DTNA: variants seen among roughly 807,000 people sequenced by gnomAD.
The protein encoded by DTNA is dystrophin-related protein 3.
DTNA carries 43 observed loss-of-function variants against 100.7 expected under a neutral mutation model. The observed-to-expected ratio is 0.43, with a 90% confidence interval of 0.33 to 0.55. DTNA has a LOEUF of 0.55. Ranked by LOEUF, DTNA falls within the 20% of genes least tolerant of loss-of-function variation. The pLI is 0.04. For synonymous variants in DTNA, 349 were observed against 347.9 expected (o/e 1.00, Z -0.04); for missense variants, 798 against 953.9 (o/e 0.84, Z 2.15).
intron 1 of DTNA, among the ~76,000 whole-genome samples, chr18:34,626,747 T>C (rs1396620752): frequency 1.3e-5 from 2 of 152,212 alleles, no homozygotes; most frequent in African/African-American, 4.8e-5. Context: ...TAGGGTCTGC[T>C]CCAGTTGGCA....
chr18:34,707,175 G>A (rs76185590), upstream of DTNA, among the ~76,000 whole-genome samples: 440 of 152,178 alleles, frequency 2.9e-3, 2 homozygotes, highest in African/African-American at 1.0e-2. Flanking sequence ...AGGAAATTAG[G>A]TGCTCTCACA....
intron 1 of DTNA, among the ~76,000 whole-genome samples, chr18:34,512,943 C>G: frequency 6.6e-6 from 1 of 152,046 alleles, no homozygotes; most frequent in East Asian, 1.9e-4. Flanking sequence ...ATACTGGTTT[C>G]ACATAAGATG....
intron 1 of DTNA, among the ~76,000 whole-genome samples, chr18:34,646,473 T>A (rs1027439892): frequency 1.3e-5 from 2 of 152,206 alleles, no homozygotes; most frequent in African/African-American, 4.8e-5. Context: ...AGCTATTAAG[T>A]AAATGATGTG....
Position 34,580,691 on chromosome 18 carries a change from T to C in DTNA, c.-2+87177T>C, listed in dbSNP as rs1209206746. 4.6e-5 allele frequency among the ~76,000 whole-genome samples: 7 copies of C among 152,172 alleles called. No individual in the cohort carries two copies. In the East Asian group the frequency reaches 7.7e-4, roughly 17 times the overall value. ...TGGACCACGGAGGATCTCTTTCTTCTTTACACTCCAGCACCAAGCTTTCCA... is the reference window on the plus strand; with the variant it reads ...TGGACCACGGAGGATCTCTTTCTTCCTTACACTCCAGCACCAAGCTTTCCA... On this transcript the variant is annotated intron_variant, in intron 1 of 19. Transcript: ENST00000283365.
At chr18:34,796,822 G>A (rs561708222) in intron 4 of DTNA, among the ~76,000 whole-genome samples, 3 of 152,246 alleles carry the variant, frequency 2.0e-5, no homozygotes, top group South Asian at 2.1e-4. Flanking sequence ...GTTGAACTTC[G>A]TGAAGAAAGT....
chr18:34,579,831 T>G (rs895571044), intron 1 of DTNA, among the ~76,000 whole-genome samples: 2 of 152,168 alleles, frequency 1.3e-5, no homozygotes, highest in African/African-American at 2.4e-5. Flanking sequence ...TACTTAACTT[T>G]CTTCATACAT....
intron 1 of DTNA, among the ~76,000 whole-genome samples, chr18:34,529,655 T>G (rs1217103509): frequency 6.6e-6 from 1 of 152,148 alleles, no homozygotes; most frequent in Admixed American, 6.6e-5. Context: ...TATTGTGGAT[T>G]GTAATGAACA....
chr18:34,527,643 C>A (rs564116351), intron 1 of DTNA, among the ~76,000 whole-genome samples: 1 of 151,942 alleles, frequency 6.6e-6, no homozygotes, highest in African/African-American at 2.4e-5. Context: ...ATTTGATCTA[C>A]GATTTTTTAG....
intron 1 of DTNA, among the ~76,000 whole-genome samples, chr18:34,669,362 G>C (rs1324401647): frequency 6.6e-6 from 1 of 152,020 alleles, no homozygotes; most frequent in South Asian, 2.1e-4. Flanking sequence ...TACACTGGTG[G>C]GTCTTGACTC....
At chr18:34,600,850 A>G (rs1023593160) in intron 1 of DTNA, among the ~76,000 whole-genome samples, 1 of 152,252 alleles carries the variant, frequency 6.6e-6, no homozygotes, top group Non-Finnish European at 1.5e-5. Flanking sequence ...CTTCTCACTT[A>G]TACAATTTAG....
At position 34,535,794 on chromosome 18, in the gene DTNA, GA is replaced by G. The variant is rs199833615; in HGVS notation, c.-2+42281del. 9.4e-3 allele frequency among the ~76,000 whole-genome samples: 1,424 copies of G among 152,204 alleles called. 25 individuals are homozygous for G. Among genetic ancestry groups the G allele is most frequent in the African/African-American group, 0.033 (1,366 of 41,546 alleles). The stretch of plus-strand genomic sequence containing the variant: ...TTTTTGTCATGTTTGTCACAGATCA[GA>G]TGGTTGTGGAGACATCAGGCATTTT... On this transcript the variant is annotated intron_variant, in intron 1 of 19. Transcript: ENST00000283365.
intron 1 of DTNA, among the ~76,000 whole-genome samples, chr18:34,673,647 C>T (rs1406453318): frequency 6.6e-6 from 1 of 152,052 alleles, no homozygotes; most frequent in African/African-American, 2.4e-5. Context: ...ACAGGCAGGC[C>T]ATCATATTAT....
rs1229687051 is a variant in DTNA at position 34,889,162 on chromosome 18, C to T, written c.*1428C>T. 22 of 985,268 alleles carry T rather than the reference C, an allele frequency of 2.2e-5. No homozygotes were observed. The highest frequency in any genetic ancestry group is 2.7e-5 in the Non-Finnish European group (22 of 829,936). 61.0% of individuals were successfully genotyped at this position (985,268 alleles called of 1,614,324 possible). A position where few individuals can be genotyped will look rare whatever the true frequency, so the allele number is the denominator to read the frequency against. Reference sequence around the variant, plus strand: ...AAAAAAGCCTGCGACCTATTCAATACATTATGCTTAAATTAGCAGTTTCTC... The same window carrying T: ...AAAAAAGCCTGCGACCTATTCAATATATTATGCTTAAATTAGCAGTTTCTC... On this transcript the variant is annotated 3_prime_UTR_variant, in exon 23 of 23. Transcript: ENST00000444659.
chr18:34,695,458 C>T (rs2080391029), intron 1 of DTNA, among the ~76,000 whole-genome samples: 1 of 152,136 alleles, frequency 6.6e-6, no homozygotes. Flanking sequence ...GTGTAACATA[C>T]ACAGCCTTAA....
chr18:34,859,150 C>A (rs2096587220), intron 16 of DTNA, among the ~76,000 whole-genome samples: 1 of 152,184 alleles, frequency 6.6e-6, no homozygotes, highest in South Asian at 2.1e-4. Context: ...AAAGCCTAGT[C>A]TTCTTTAGTC....
chr18:34,850,555 T>C (rs2096461226), intron 14 of DTNA, among the ~76,000 whole-genome samples: 1 of 152,238 alleles, frequency 6.6e-6, no homozygotes, highest in African/African-American at 2.4e-5. Flanking sequence ...ACAGTTAGGT[T>C]TATGGACATT....
intron 1 of DTNA, among the ~76,000 whole-genome samples, chr18:34,655,122 C>T (rs185152371): frequency 7.8e-4 from 119 of 152,164 alleles, no homozygotes; most frequent in African/African-American, 2.5e-3. Flanking sequence ...ATATGATATT[C>T]GATTATTAAA....
Position 34,789,642 on chromosome 18 carries a change from T to C in DTNA, c.149-4395T>C, listed in dbSNP as rs77593914. The stretch of plus-strand genomic sequence containing the variant: ...TGTATTGAGTCCTCACAATCTACCA[T>C]AGTGTTTGCATATAATTATGAAAAC... On this transcript the variant is annotated intron_variant, in intron 3 of 22. Transcript: ENST00000444659. 2.8e-3 allele frequency among the ~76,000 whole-genome samples: 429 copies of C among 152,354 alleles called. 1 individual carries two copies. Among genetic ancestry groups the C allele is most frequent in the Non-Finnish European group, 4.9e-3 (335 of 68,036 alleles).
chr18:34,871,896 A>G (rs935898474), intron 17 of DTNA, among the ~76,000 whole-genome samples: 6 of 152,226 alleles, frequency 3.9e-5, no homozygotes, highest in Non-Finnish European at 7.3e-5. Context: ...GGGAGTTGCC[A>G]GTTGTGGGAA....
Sources: allele counts gnomAD v4.1 joint callset (sites outside exome capture counted in the v4.1 genomes callset), GRCh38; gene constraint gnomAD v4.1.1; transcripts MANE v1.5; gene names NCBI Gene and HGNC (gene_info 2026-07-23, HGNC 2026-07-21).